The following NXPH2 variants were observed in gnomAD, a reference collection of about 807,000 sequenced individuals.
NXPH2 encodes the protein neurexophilin 2, also known as neurexophilin-2.
Under a neutral mutation model 19.8 loss-of-function variants are expected in NXPH2, and 5 were observed. That is an observed-to-expected ratio of 0.25 (90% CI 0.13 to 0.53). The LOEUF (loss-of-function observed/expected upper bound fraction) is 0.53. Among genes scored for constraint, NXPH2 ranks in the 20% least tolerant of loss-of-function variants. The pLI is 0.96. For synonymous variants in NXPH2, 154 were observed against 127.4 expected (o/e 1.21, Z -1.41); for missense variants, 289 against 322.8 (o/e 0.90, Z 0.80).
At chr2:138,724,581 G>C (rs1197455413) in intron 1 of NXPH2, among the ~76,000 whole-genome samples, 1 of 152,140 alleles carries the variant, frequency 6.6e-6, no homozygotes, top group Admixed American at 6.5e-5. Flanking sequence ...TTTTTCCCCT[G>C]GAACTATTTA....
intron 1 of NXPH2, among the ~76,000 whole-genome samples, chr2:138,736,660 C>A (rs573052312): frequency 1.3e-5 from 2 of 152,222 alleles, no homozygotes; most frequent in African/African-American, 2.4e-5. Flanking sequence ...GTTACTTATG[C>A]AAATTTCTGC....
At chr2:138,718,192 T>C (rs1225156411) in intron 1 of NXPH2, among the ~76,000 whole-genome samples, 2 of 152,052 alleles carry the variant, frequency 1.3e-5, no homozygotes, top group East Asian at 3.9e-4. Context: ...CATATTGAAG[T>C]CCTCACCAAG....
intron 1 of NXPH2, among the ~76,000 whole-genome samples, chr2:138,754,492 T>C (rs1681875426): frequency 6.6e-6 from 1 of 152,210 alleles, no homozygotes; most frequent in Non-Finnish European, 1.5e-5. Flanking sequence ...TAAAGGTTCA[T>C]TTATACATTT....
chr2:138,705,497 C>T (rs1330836759), intron 1 of NXPH2, among the ~76,000 whole-genome samples: 3 of 152,122 alleles, frequency 2.0e-5, no homozygotes, highest in African/African-American at 4.8e-5. Context: ...TCTAATCCCT[C>T]TTAGTAGATT....
chr2:138,704,751 G>A (rs529310773), intron 1 of NXPH2, among the ~76,000 whole-genome samples: 9 of 152,108 alleles, frequency 5.9e-5, no homozygotes, highest in East Asian at 3.9e-4. Flanking sequence ...TGAACTCCTC[G>A]GCTCAAGTGA....
rs1001540224 is a variant in NXPH2 at position 138,756,484 on chromosome 2, C to A, written c.51+23707G>T. 6.7e-5 allele frequency among the ~76,000 whole-genome samples: 10 copies of A among 150,112 alleles called. No homozygotes were observed. The East Asian group carries it at 1.9e-3, about 29-fold the overall frequency. On this transcript the variant is annotated intron_variant, in intron 1 of 1. Coordinates refer to ENST00000272641, the MANE Select transcript of NXPH2 (RefSeq NM_007226.3). ...TTTTTGCCTTTTTATGTTTCAAATGCGTTGGTCATGCTAATTTCCCCAGCT... is the reference window on the plus strand; with the variant it reads ...TTTTTGCCTTTTTATGTTTCAAATGAGTTGGTCATGCTAATTTCCCCAGCT...
At chr2:138,760,282 C>A (rs758340455) in intron 1 of NXPH2, among the ~76,000 whole-genome samples, 1 of 152,126 alleles carries the variant, frequency 6.6e-6, no homozygotes, top group East Asian at 1.9e-4. Context: ...ATCTGCAAAC[C>A]GTCTCCATTG....
intron 1 of NXPH2, among the ~76,000 whole-genome samples, chr2:138,751,589 CAG>C (rs1315352237): frequency 2.0e-5 from 3 of 152,074 alleles, no homozygotes; most frequent in Non-Finnish European, 2.9e-5. Flanking sequence ...GACTTTCTAA[CAG>C]GGGAAAGTTT....
intron 1 of NXPH2, among the ~76,000 whole-genome samples, chr2:138,777,482 T>C (rs895235032): frequency 6.6e-6 from 1 of 152,128 alleles, no homozygotes; most frequent in Non-Finnish European, 1.5e-5. Context: ...CCTAGCCTAC[T>C]TGCAGTATTT....
rs141901512 is a variant in NXPH2 at position 138,712,143 on chromosome 2, T to C, written c.52-40478A>G. ...TACACATCACATCAGCTCATGGAAC[T>C]GATGTGTGTGTGTGCACGTGCATCG... On this transcript the variant is annotated intron_variant, in intron 1 of 1. Coordinates refer to ENST00000272641, the MANE Select transcript of NXPH2 (RefSeq NM_007226.3). Among the ~76,000 whole-genome samples, 17 of 152,346 alleles carry C rather than the reference T, an allele frequency of 1.1e-4. No homozygotes were observed. In the East Asian group the frequency reaches 2.7e-3, roughly 24 times the overall value.
Position 138,740,645 on chromosome 2 carries a change from G to A in NXPH2, c.51+39546C>T, listed in dbSNP as rs1039384557. The stretch of plus-strand genomic sequence containing the variant: ...TTCTGAGGATGCCATATGCTACAAC[G>A]CAGGGAACCTAATTTATTTCATTGA... On this transcript the variant is annotated intron_variant, in intron 1 of 1. Coordinates refer to ENST00000272641, the MANE Select transcript of NXPH2 (RefSeq NM_007226.3). Among the ~76,000 whole-genome samples the A allele has an allele frequency of 3.3e-5, 5 of 152,026 alleles. No individual in the cohort carries two copies. The South Asian group carries it at 6.2e-4, about 19-fold the overall frequency.
intron 1 of NXPH2, among the ~76,000 whole-genome samples, chr2:138,779,480 C>T (rs188524245): frequency 1.3e-5 from 2 of 152,244 alleles, no homozygotes; most frequent in Admixed American, 6.5e-5. Flanking sequence ...TCTTATTCCT[C>T]AGCGCCTCCG....
chr2:138,702,722 G>T (rs1193483461), intron 1 of NXPH2, among the ~76,000 whole-genome samples: 3 of 152,038 alleles, frequency 2.0e-5, no homozygotes, highest in Admixed American at 6.6e-5. Flanking sequence ...ACAAAATGTT[G>T]CTGCCTCCGT....
Position 138,671,030 on chromosome 2 carries a change from C to A in NXPH2, c.687G>T (p.Lys229Asn). 6.2e-7 allele frequency: 1 copy of A among 1,613,974 alleles called. No homozygotes were observed. Among genetic ancestry groups the A allele is most frequent in the Non-Finnish European group, 8.5e-7 (1 of 1,179,862 alleles). ...HVSWLCSKPF[K>N]VICIYIAFYS... The stretch of plus-strand genomic sequence containing the variant: ...AAAAGGCAATGTAAATGCAAATGAC[C>A]TTGAAGGGCTTGGAGCACAACCAAG... Residue 229 changes from lysine to asparagine, a missense_variant, in exon 2 of 2, where the codon AAG becomes AAT. Physicochemically the swap from Lys to Asn is moderately conservative, Grantham distance 94. Coordinates refer to ENST00000272641, the MANE Select transcript of NXPH2 (RefSeq NM_007226.3).
At position 138,780,266 on chromosome 2, in the gene NXPH2, C is replaced by A. The variant is rs986588951; in HGVS notation, c.-25G>T. The A allele has an allele frequency of 7.1e-6, 10 of 1,414,506 alleles. No individual in the cohort carries two copies. The Admixed American group carries it at 1.9e-4, about 27-fold the overall frequency. 87.6% of individuals were successfully genotyped at this position (1,414,506 alleles called of 1,614,324 possible). A position where few individuals can be genotyped will look rare whatever the true frequency, so the allele number is the denominator to read the frequency against. ...TGGTGCCGGCTGGCGCGGCTTTTCACGAGCTGCGCGCCCTCGCCTGCCTCT... is the reference window on the plus strand; with the variant it reads ...TGGTGCCGGCTGGCGCGGCTTTTCAAGAGCTGCGCGCCCTCGCCTGCCTCT... On this transcript the variant is annotated 5_prime_UTR_variant, in exon 1 of 2. Transcript: ENST00000272641.
chr2:138,702,583 C>T (rs1680945052), intron 1 of NXPH2, among the ~76,000 whole-genome samples: 1 of 151,306 alleles, frequency 6.6e-6, no homozygotes, highest in Non-Finnish European at 1.5e-5. Context: ...CCTTCCCACC[C>T]TCCCAACCCC....
At chr2:138,735,696 C>G (rs1260342103) in intron 1 of NXPH2, among the ~76,000 whole-genome samples, 2 of 152,172 alleles carry the variant, frequency 1.3e-5, no homozygotes, top group African/African-American at 4.8e-5. Context: ...CCCCCAAAGT[C>G]TTAACTCATT....
chr2:138,707,562 C>CTA (rs1390946027), intron 1 of NXPH2, among the ~76,000 whole-genome samples: 2 of 152,096 alleles, frequency 1.3e-5, no homozygotes, highest in Non-Finnish European at 2.9e-5. Context: ...ATGCTTTATG[C>CTA]TATCACTTTC....
intron 1 of NXPH2, among the ~76,000 whole-genome samples, chr2:138,769,418 C>T (rs545224763): frequency 6.6e-6 from 1 of 152,058 alleles, no homozygotes; most frequent in East Asian, 1.9e-4. Context: ...TCCAAAAATC[C>T]CAGTGAAAAG....
Sources: allele counts gnomAD v4.1 joint callset (sites outside exome capture counted in the v4.1 genomes callset), GRCh38; gene constraint gnomAD v4.1.1; transcripts MANE v1.5; gene names NCBI Gene and HGNC (gene_info 2026-07-23, HGNC 2026-07-21).